SECISBP2: variants seen among roughly 807,000 people sequenced by gnomAD.
The protein encoded by SECISBP2 is selenocysteine insertion sequence-binding protein 2.
Under a neutral mutation model 98.2 loss-of-function variants are expected in SECISBP2, and 96 were observed. That is an observed-to-expected ratio of 0.98 (90% CI 0.83 to 1.16). The LOEUF is 1.16. Among genes scored for constraint, SECISBP2 ranks in the 50% most tolerant of loss-of-function variants. The pLI is 0.00. For missense variants in SECISBP2, 1,046 were observed against 1,022.9 expected (o/e 1.02, Z -0.31); for synonymous variants, 407 against 370.2 (o/e 1.10, Z -1.14).
intron 9 of SECISBP2, among the ~76,000 whole-genome samples, chr9:89,341,111 A>C (rs1444984855): frequency 6.6e-6 from 1 of 152,168 alleles, no homozygotes; most frequent in Non-Finnish European, 1.5e-5. Flanking sequence ...ATATAGACAA[A>C]AGTGTAGGTG....
the SECISBP2 span, among the ~76,000 whole-genome samples, chr9:89,366,665 T>C: frequency 2.0e-5 from 3 of 152,244 alleles, no homozygotes; most frequent in Non-Finnish European, 4.4e-5. Context: ...TACATCTAGG[T>C]GCCCATCAAC....
In SECISBP2 at chr9:89,318,569, C is replaced by T. The variant is rs1003331400; in HGVS notation, c.-8C>T. On this transcript the variant is annotated 5_prime_UTR_variant, in exon 1 of 17. Transcript: ENST00000375807. ...CTCCGTGACGCGGCCTCCTCCGCGC[C>T]TCGCGGCATGGCGTCGGAGGGGCCG... 2.7e-6 allele frequency: 4 copies of T among 1,504,136 alleles called. No individual in the cohort carries two copies. The highest frequency in any genetic ancestry group is 3.5e-6 in the Non-Finnish European group (4 of 1,132,388). The allele number at this position is 1,504,136 out of a possible 1,614,324, so 93.2% of individuals were successfully genotyped here. A position where few individuals can be genotyped will look rare whatever the true frequency, so the allele number is the denominator to read the frequency against.
At chr9:89,357,086 C>T (rs1414380879) in intron 14 of SECISBP2, 5 of 386,854 alleles carry the variant, frequency 1.3e-5, no homozygotes, top group Admixed American at 1.1e-4. Flanking sequence ...TCTGGTTGTG[C>T]ATCTGTCAGT....
downstream of SECISBP2, chr9:89,363,603 T>C (rs1056070911): frequency 1.2e-5 from 19 of 1,599,904 alleles, no homozygotes; most frequent in Non-Finnish European, 1.6e-5. Flanking sequence ...TGGCCACCTT[T>C]CTCAATGGAA....
At chr9:89,363,493 G>A, downstream of SECISBP2, 2 of 1,614,114 alleles carry the variant, frequency 1.2e-6, no homozygotes, top group Middle Eastern at 1.6e-4. Context: ...TCCAGGCAGA[G>A]AGCTCTCTGG....
intron 10 of SECISBP2, among the ~76,000 whole-genome samples, chr9:89,345,084 T>G (rs1314043391): frequency 6.6e-6 from 1 of 152,256 alleles, no homozygotes; most frequent in Non-Finnish European, 1.5e-5. Flanking sequence ...GGAATGTCTT[T>G]ATTTTGCATT....
chr9:89,367,105 T>C, the SECISBP2 span: 1 of 152,608 alleles, frequency 6.6e-6, no homozygotes, highest in Admixed American at 6.5e-5. Flanking sequence ...ACATTAAAGA[T>C]GTTAAAGAAG....
At chr9:89,354,947 C>T (rs1831842884) in intron 14 of SECISBP2, 1 of 985,284 alleles carries the variant, frequency 1.0e-6, no homozygotes, top group African/African-American at 1.7e-5. Context: ...CCACCTCTGC[C>T]CTATCTCCCC....
chr9:89,359,504 T>TAATC lies in SECISBP2; in HGVS notation c.*683_*686dup, dbSNP rs1286693973. 1.3e-5 allele frequency: 2 copies of TAATC among 152,602 alleles called. No individual in the cohort carries two copies. The highest frequency in any genetic ancestry group is 2.4e-5 in the African/African-American group (1 of 41,470). 9.5% of individuals were successfully genotyped at this position (152,602 alleles called of 1,614,324 possible). On this transcript the variant is annotated 3_prime_UTR_variant, in exon 17 of 17. Transcript: ENST00000375807. Reference sequence around the variant, plus strand: ...TATTGAAGTACCTAGATTTGTTTGATAATCAACAAATCTTTCCTTTTTCAA... The same window carrying TAATC: ...TATTGAAGTACCTAGATTTGTTTGATAATCAATCAACAAATCTTTCCTTTTTCAA...
chr9:89,319,759 C>T lies in SECISBP2; in HGVS notation c.144C>T (p.Ala48=). Reference sequence around the variant, plus strand: ...CATGTGTCTTCCCCAGCTCTGCAGCCACATACTATCCGTTTGTTCAGGAAC... The same window carrying T: ...CATGTGTCTTCCCCAGCTCTGCAGCTACATACTATCCGTTTGTTCAGGAAC... ...SEACVFPSSA[A]TYYPFVQEPP... The change falls in exon 2 of 17, where the codon GCC becomes GCT. Residue 48 remains alanine, a synonymous_variant. Transcript: ENST00000375807. The T allele has an allele frequency of 6.2e-7, 1 of 1,614,150 alleles. No individual in the cohort carries two copies. Among genetic ancestry groups the T allele is most frequent in the Non-Finnish European group, 8.5e-7 (1 of 1,180,002 alleles).
At position 89,325,420 on chromosome 9, in the gene SECISBP2, T is replaced by C; in HGVS notation, c.183-7T>C. 1.2e-6 allele frequency: 2 copies of C among 1,613,806 alleles called. No homozygotes were observed. The highest frequency in any genetic ancestry group is 1.1e-5 in the South Asian group (1 of 91,070). ...ATCTGCAACTAAAGTTTACACTTTT[T>C]ACTTAGGCAGAAAATATATACTGAA... On this transcript the variant is annotated splice_region_variant and splice_polypyrimidine_tract_variant and intron_variant, in intron 2 of 16. Transcript: ENST00000375807.
chr9:89,363,782 C>G (rs778688226), downstream of SECISBP2: 1 of 1,613,844 alleles, frequency 6.2e-7, no homozygotes, highest in South Asian at 1.1e-5. Flanking sequence ...AGTCTTGTTC[C>G]CTGCTGAGGA....
downstream of SECISBP2, among the ~76,000 whole-genome samples, chr9:89,362,826 G>GCA (rs35101833): frequency 0.21 from 31,622 of 152,162 alleles, 3,788 homozygotes; most frequent in East Asian, 0.39. Flanking sequence ...GCAGGTGGTA[G>GCA]CACACAGTGA....
chr9:89,358,444 G>C (rs1221153958), intron 16 of SECISBP2, among the ~76,000 whole-genome samples: 2 of 151,878 alleles, frequency 1.3e-5, no homozygotes, highest in African/African-American at 4.8e-5. Flanking sequence ...ACCCAAGACA[G>C]GCTTGGAAGG....
chr9:89,338,306 C>T, intron 7 of SECISBP2, 152 bp from the exon 8 acceptor site: 1 of 903,568 alleles, frequency 1.1e-6, no homozygotes, highest in Non-Finnish European at 1.7e-6. Context: ...TGAATGCTGG[C>T]TTTTTAAAAA....
At chr9:89,364,049 G>C, downstream of SECISBP2, 1 of 1,603,546 alleles carries the variant, frequency 6.2e-7, no homozygotes, top group South Asian at 1.1e-5. Flanking sequence ...GTCCCAGTTG[G>C]ACCTGAAGTG....
chr9:89,353,942 C>T (rs994998173), intron 14 of SECISBP2, among the ~76,000 whole-genome samples: 1 of 152,086 alleles, frequency 6.6e-6, no homozygotes, highest in Non-Finnish European at 1.5e-5. Context: ...TAAATATTTG[C>T]CAGATAAGAT....
intron 14 of SECISBP2, 120 bp downstream of exon 14, chr9:89,350,972 TG>T: frequency 2.4e-6 from 2 of 845,406 alleles, no homozygotes; most frequent in Non-Finnish European, 4.0e-6. Flanking sequence ...GTTTTCTTTG[TG>T]GTTTTTGTTT....
intron 7 of SECISBP2, among the ~76,000 whole-genome samples, chr9:89,337,245 A>C (rs2131777040): frequency 6.6e-6 from 1 of 152,384 alleles, no homozygotes; most frequent in South Asian, 2.1e-4. Flanking sequence ...AAAATTCTAA[A>C]AGATGAGAAG....
Sources: allele counts gnomAD v4.1 joint callset (sites outside exome capture counted in the v4.1 genomes callset), GRCh38; gene constraint gnomAD v4.1.1; transcripts MANE v1.5; gene names NCBI Gene and HGNC (gene_info 2026-07-23, HGNC 2026-07-21).